TAFA4: variants seen among roughly 807,000 people sequenced by gnomAD.
TAFA4 encodes the protein TAFA chemokine like family member 4, also known as chemokine-like protein TAFA-4.
TAFA4 carries 20 observed loss-of-function variants against 21.1 expected under a neutral mutation model. The ratio of observed to expected loss-of-function variants is 0.95; its 90% confidence interval spans 0.67 to 1.38. The LOEUF is 1.38. TAFA4 is among the 40% of genes most tolerant of loss of function. TAFA4 has a pLI of 0.00. For synonymous variants in TAFA4, 71 were observed against 67.4 expected (o/e 1.05, Z -0.26); for missense variants, 211 against 180.9 (o/e 1.17, Z -0.95).
At chr3:68,836,212 A>C (rs1434610397) in intron 3 of TAFA4, among the ~76,000 whole-genome samples, 1 of 152,216 alleles carries the variant, frequency 6.6e-6, no homozygotes, top group Non-Finnish European at 1.5e-5. Context: ...TCCCCATCAC[A>C]AGGAGATGGG....
At chr3:68,880,683 A>G (rs1025008778) in intron 3 of TAFA4, 47 bp downstream of exon 3, 3 of 1,488,236 alleles carry the variant, frequency 2.0e-6, no homozygotes, top group Admixed American at 1.7e-5. Context: ...TGACATTTGG[A>G]GGGGTTTTAT....
chr3:68,904,904 G>A (rs2089884035), intron 1 of TAFA4, among the ~76,000 whole-genome samples: 1 of 152,172 alleles, frequency 6.6e-6, no homozygotes, highest in Non-Finnish European at 1.5e-5. Context: ...TGCTAGGGAT[G>A]GGAACTGGCC....
chr3:68,848,671 C>T (rs1029378553), intron 3 of TAFA4, among the ~76,000 whole-genome samples: 2 of 152,142 alleles, frequency 1.3e-5, no homozygotes, highest in African/African-American at 4.8e-5. Context: ...TTAACTTTCC[C>T]CACATCCAGT....
At chr3:68,787,932 C>T (rs1559521169) in intron 3 of TAFA4, among the ~76,000 whole-genome samples, 1 of 152,134 alleles carries the variant, frequency 6.6e-6, no homozygotes, top group African/African-American at 2.4e-5. Context: ...GTTGTTAGTA[C>T]TTAAAAATCA....
chr3:68,791,021 G>A (rs1410528834), intron 3 of TAFA4, among the ~76,000 whole-genome samples: 2 of 152,146 alleles, frequency 1.3e-5, no homozygotes, highest in African/African-American at 2.4e-5. Context: ...CTAAAACAAA[G>A]TCATGGAAGA....
chr3:68,816,568 C>T (rs1292187494), intron 3 of TAFA4, among the ~76,000 whole-genome samples: 1 of 152,144 alleles, frequency 6.6e-6, no homozygotes, highest in African/African-American at 2.4e-5. Flanking sequence ...TGCAACTTTA[C>T]TGAATTCATT....
chr3:68,855,304 G>A (rs1226318761), intron 3 of TAFA4, among the ~76,000 whole-genome samples: 1 of 152,126 alleles, frequency 6.6e-6, no homozygotes, highest in East Asian at 1.9e-4. Flanking sequence ...ATTTATTCTT[G>A]TACTTTATAC....
intron 3 of TAFA4, among the ~76,000 whole-genome samples, chr3:68,843,237 G>A (rs191585747): frequency 1.2e-4 from 19 of 152,216 alleles, no homozygotes; most frequent in Admixed American, 3.3e-4. Context: ...CCATGAGGAC[G>A]TCCTTCACAT....
intron 1 of TAFA4, among the ~76,000 whole-genome samples, chr3:68,931,734 C>T (rs2090160315): frequency 7.0e-6 from 1 of 142,472 alleles, no homozygotes; most frequent in Admixed American, 7.5e-5. Context: ...TCGCTGCGCC[C>T]TTCAAGCAAG....
At chr3:68,780,400 C>T (rs1703132976) in intron 3 of TAFA4, among the ~76,000 whole-genome samples, 1 of 152,138 alleles carries the variant, frequency 6.6e-6, no homozygotes, top group Non-Finnish European at 1.5e-5. Context: ...TTGGCTGTTT[C>T]CTACCCATAT....
chr3:68,844,730 T>A (rs906981618), intron 3 of TAFA4, among the ~76,000 whole-genome samples: 5 of 152,196 alleles, frequency 3.3e-5, no homozygotes, highest in Non-Finnish European at 7.3e-5. Flanking sequence ...TTTGTTCCCA[T>A]CGGTTTCAAA....
intron 3 of TAFA4, among the ~76,000 whole-genome samples, chr3:68,825,538 T>TTCA (rs200658582): frequency 0.017 from 2,592 of 152,246 alleles, 70 homozygotes; most frequent in African/African-American, 0.054. Context: ...TTCACTAGAG[T>TTCA]GTGTGCAGTC....
intron 4 of TAFA4, among the ~76,000 whole-genome samples, chr3:68,751,492 G>A (rs1325458862): frequency 6.6e-6 from 1 of 152,180 alleles, no homozygotes; most frequent in Non-Finnish European, 1.5e-5. Context: ...TCAATTAATA[G>A]AGATGATAAA....
intron 3 of TAFA4, among the ~76,000 whole-genome samples, chr3:68,842,512 T>C (rs1704688424): frequency 6.6e-6 from 1 of 152,244 alleles, no homozygotes; most frequent in Non-Finnish European, 1.5e-5. Context: ...ACTCTGATGA[T>C]AGTTTCCTTT....
chr3:68,918,132 T>TACACACAC (rs71618251), intron 1 of TAFA4, among the ~76,000 whole-genome samples: 1,722 of 148,916 alleles, frequency 0.012, 12 homozygotes, highest in Non-Finnish European at 0.012. Context: ...CAGACACACA[T>TACACACAC]ACACACACAC....
At chr3:68,828,371 G>C (rs1381376511) in intron 3 of TAFA4, among the ~76,000 whole-genome samples, 1 of 152,036 alleles carries the variant, frequency 6.6e-6, no homozygotes, top group African/African-American at 2.4e-5. Context: ...GTCTTTTTTG[G>C]TTCCATGTGA....
intron 3 of TAFA4, among the ~76,000 whole-genome samples, chr3:68,868,633 C>T (rs1262305649): frequency 6.6e-6 from 1 of 151,876 alleles, no homozygotes; most frequent in Admixed American, 6.6e-5. Flanking sequence ...AATTAAACAA[C>T]ATGTTCTTAA....
intron 3 of TAFA4, among the ~76,000 whole-genome samples, chr3:68,848,776 C>A (rs76577360): frequency 0.1 from 15,494 of 152,138 alleles, 1,009 homozygotes; most frequent in African/African-American, 0.18. Flanking sequence ...AGTCCCTAGC[C>A]CCTCTGCCAT....
chr3:68,837,301 C>A (rs562171584), intron 3 of TAFA4, among the ~76,000 whole-genome samples: 2 of 152,294 alleles, frequency 1.3e-5, no homozygotes, highest in East Asian at 3.9e-4. Context: ...CCACTCCAGA[C>A]CTGAATCAGA....
Sources: gnomAD v4.1 joint callset for allele counts (sites outside exome capture counted in the v4.1 genomes callset) on GRCh38, gnomAD v4.1.1 for gene constraint, MANE v1.5 for transcripts, NCBI Gene and HGNC (gene_info 2026-07-23, HGNC 2026-07-21) for gene names.